Variants in ZNF827 observed in about 807,000 individuals in gnomAD.
ZNF827 encodes zinc finger protein 827.
In ZNF827, 13 loss-of-function variants were observed where a neutral mutation model predicts 102.4. The ratio of observed to expected loss-of-function variants is 0.13; its 90% CI spans 0.08 to 0.20. ZNF827 has a LOEUF of 0.20. Ranked by LOEUF, ZNF827 falls within the 10% of genes least tolerant of loss-of-function variation. The pLI is 1.00. For synonymous variants in ZNF827, 523 were observed against 536.2 expected, an observed-to-expected ratio of 0.98 and a Z score of 0.34; for missense variants, 1,103 against 1,344.4, an observed-to-expected ratio of 0.82 and a Z score of 2.81.
chr4:145,880,635 G>A (rs1197626139), intron 4 of ZNF827, among the ~76,000 whole-genome samples: 2 of 152,158 alleles, frequency 1.3e-5, no homozygotes, highest in African/African-American at 2.4e-5. Flanking sequence ...CAATAAAGTC[G>A]AGAATTTCAA....
At chr4:145,848,980 T>G (rs1165635591) in intron 6 of ZNF827, among the ~76,000 whole-genome samples, 1 of 152,104 alleles carries the variant, frequency 6.6e-6, no homozygotes, top group Non-Finnish European at 1.5e-5. Flanking sequence ...GAAATTTATC[T>G]TTTGCACATT....
intron 1 of ZNF827, chr4:145,907,194 C>T (rs1296069977): frequency 2.2e-6 from 1 of 456,488 alleles, no homozygotes; most frequent in African/African-American, 2.0e-5. Flanking sequence ...AGGATTTTCT[C>T]CCACTTTTTT....
intron 5 of ZNF827, among the ~76,000 whole-genome samples, chr4:145,851,540 G>T (rs150107911): frequency 1.3e-5 from 2 of 152,192 alleles, no homozygotes; most frequent in African/African-American, 2.4e-5. Flanking sequence ...TAACCTAAAT[G>T]ATTAAAATTA....
intron 5 of ZNF827, among the ~76,000 whole-genome samples, chr4:145,870,021 T>G (rs1369763206): frequency 6.6e-6 from 1 of 152,142 alleles, no homozygotes; most frequent in Non-Finnish European, 1.5e-5. Flanking sequence ...GCAGTGATAG[T>G]CAGGAAAAGG....
chr4:145,932,271 A>G (rs1262713622), intron 1 of ZNF827, among the ~76,000 whole-genome samples: 2 of 152,194 alleles, frequency 1.3e-5, no homozygotes, highest in Non-Finnish European at 2.9e-5. Flanking sequence ...AAGTCCAAAG[A>G]TACCAATTTG....
At chr4:145,938,135 GAGAA>G (rs778866291) in intron 1 of ZNF827, among the ~76,000 whole-genome samples, 67 of 151,698 alleles carry the variant, frequency 4.4e-4, no homozygotes, top group Non-Finnish European at 6.5e-4. Flanking sequence ...GGGGGGGTGA[GAGAA>G]AGAAAGAAAA....
intron 4 of ZNF827, among the ~76,000 whole-genome samples, chr4:145,876,331 A>G (rs1037565739): frequency 1.3e-5 from 2 of 152,226 alleles, no homozygotes; most frequent in African/African-American, 4.8e-5. Context: ...ACGCACTAGT[A>G]GCCAGGAGTA....
intron 8 of ZNF827, among the ~76,000 whole-genome samples, chr4:145,782,968 G>A (rs1738313632): frequency 6.6e-6 from 1 of 152,168 alleles, no homozygotes; most frequent in African/African-American, 2.4e-5. Context: ...CAATTCCCAA[G>A]GTAGAGTTAG....
chr4:145,882,863 T>C (rs1351654669), intron 4 of ZNF827, among the ~76,000 whole-genome samples: 1 of 152,158 alleles, frequency 6.6e-6, no homozygotes, highest in Non-Finnish European at 1.5e-5. Context: ...GGCGCCGTTA[T>C]AACGCCAAGG....
intron 8 of ZNF827, among the ~76,000 whole-genome samples, chr4:145,818,813 G>C (rs979490491): frequency 3.3e-5 from 5 of 152,158 alleles, no homozygotes; most frequent in African/African-American, 1.2e-4. Context: ...GCTAGTTGCA[G>C]GTGGCATTCT....
chr4:145,764,804 C>T, intron 13 of ZNF827, 184 bp downstream of exon 13: 1 of 730,366 alleles, frequency 1.4e-6, no homozygotes. Context: ...CATCTGTTGA[C>T]ACCCTAGGGG....
chr4:145,887,303 C>T (rs1053017593), intron 3 of ZNF827, among the ~76,000 whole-genome samples: 5 of 152,290 alleles, frequency 3.3e-5, no homozygotes, highest in East Asian at 3.9e-4. Flanking sequence ...CACCTGGCCC[C>T]TCTCGGTAGG....
At chr4:145,879,329 C>T (rs1345043717) in intron 4 of ZNF827, among the ~76,000 whole-genome samples, 7 of 152,170 alleles carry the variant, frequency 4.6e-5, no homozygotes, top group Non-Finnish European at 1.5e-5. Flanking sequence ...CAGTGCCCAG[C>T]TCACTGTAAG....
At position 145,772,831 on chromosome 4, in the gene ZNF827, A is replaced by T. The variant is rs572561538; in HGVS notation, c.2860+1675T>A. The stretch of plus-strand genomic sequence containing the variant: ...GAATATTCTTTCCTGCTAGACAATG[A>T]GCCCTGAATCCTGCTACATCAGAGA... On this transcript the variant is annotated intron_variant, in intron 11 of 14. Coordinates refer to ENST00000508784, the MANE Select transcript of ZNF827 (RefSeq NM_001306215.2). Among the ~76,000 whole-genome samples, 72 of 152,360 alleles carry T rather than the reference A, an allele frequency of 4.7e-4. 1 individual carries two copies. The highest frequency in any genetic ancestry group is 3.4e-3 in the Middle Eastern group (1 of 294).
At chr4:145,780,023 T>A (rs1408957723) in intron 8 of ZNF827, among the ~76,000 whole-genome samples, 1 of 152,136 alleles carries the variant, frequency 6.6e-6, no homozygotes, top group African/African-American at 2.4e-5. Flanking sequence ...AAACCTTGTA[T>A]CTACTAAAAA....
At position 145,765,094 on chromosome 4, in the gene ZNF827, G is replaced by A; in HGVS notation, c.3124C>T (p.Leu1042Phe). Residue 1042 changes from leucine (L) to phenylalanine (F), a missense_variant, in exon 13 of 15, where the codon CTC (leucine) becomes TTC (phenylalanine). Leu to Phe is a conservative substitution (Grantham distance 22). Coordinates refer to ENST00000508784, the MANE Select transcript of ZNF827 (RefSeq NM_001306215.2). This position sits in a 1 kb window ranked among gnomAD's most constrained non-coding sequence, Gnocchi z 4.7. Reference sequence around the variant, plus strand: ...TCACACTCAAACATCCGGGTGATGAGGTGTATCTGCAGATGACGCTCAAAC... The same window carrying A: ...TCACACTCAAACATCCGGGTGATGAAGTGTATCTGCAGATGACGCTCAAAC... ...NMFERHLQIH[L>F]ITRMFECDVC... is the part of the protein sequence containing the mutation. The A allele has an allele frequency of 6.2e-7, 1 of 1,614,194 alleles. No homozygotes were observed. The highest frequency in any genetic ancestry group is 8.5e-7 in the Non-Finnish European group (1 of 1,180,032).
At chr4:145,878,024 A>G (rs1324112738) in intron 4 of ZNF827, among the ~76,000 whole-genome samples, 1 of 152,222 alleles carries the variant, frequency 6.6e-6, no homozygotes, top group East Asian at 1.9e-4. Flanking sequence ...CTTTTTCAGG[A>G]AAGTCAGGAT....
At chr4:145,810,361 G>C (rs1741887096) in intron 8 of ZNF827, among the ~76,000 whole-genome samples, 1 of 151,446 alleles carries the variant, frequency 6.6e-6, no homozygotes, top group South Asian at 2.1e-4. Context: ...ATTATTATAT[G>C]AGTAAAGGCC....
chr4:145,903,291 G>A, intron 1 of ZNF827, 76 bp from the exon 2 acceptor site: 2 of 1,504,018 alleles, frequency 1.3e-6, no homozygotes, highest in Non-Finnish European at 8.9e-7. Context: ...AAATGGAGGT[G>A]ATGACATGCT....
Sources: allele counts gnomAD v4.1 joint callset (sites outside exome capture counted in the v4.1 genomes callset), GRCh38; gene constraint gnomAD v4.1.1; non-coding constraint Gnocchi (gnomAD v3.1); transcripts MANE v1.5; gene names NCBI Gene and HGNC (gene_info 2026-07-23, HGNC 2026-07-21).